The following ZNF718 variants were observed in gnomAD, a reference collection of about 807,000 sequenced individuals.
ZNF718 encodes the protein zinc finger protein 718.
In ZNF718, 3 loss-of-function variants were observed where a neutral mutation model predicts 2.6. The ratio of observed to expected loss-of-function variants is 1.16; its 90% CI spans 0.53 to 3.01. The LOEUF is 3.01. Ranked by LOEUF, ZNF718 falls within the 30% of genes most tolerant of loss-of-function variation. ZNF718 has a pLI of 0.03. For synonymous variants in ZNF718, 135 were observed against 77.9 expected (o/e 1.73, Z -3.86); for missense variants, 468 against 230.0 (o/e 2.03, Z -6.69).
intron 3 of ZNF718, among the ~76,000 whole-genome samples, chr4:198,772 G>A (rs185832862): frequency 1.3e-5 from 2 of 152,302 alleles, no homozygotes; most frequent in Non-Finnish European, 2.9e-5. Context: ...CTCACAGGCT[G>A]GATTTCAGAG....
chr4:176,498 A>G (rs1264570767), intron 3 of ZNF718, among the ~76,000 whole-genome samples: 1 of 152,158 alleles, frequency 6.6e-6, no homozygotes, highest in Non-Finnish European at 1.5e-5. Context: ...GACCCAGCAT[A>G]ATGCAACACA....
intron 3 of ZNF718, among the ~76,000 whole-genome samples, chr4:137,605 A>T (rs200587197): frequency 2.0e-5 from 3 of 152,102 alleles, no homozygotes; most frequent in Admixed American, 6.6e-5. Context: ...AAGATTAAAA[A>T]TTTTTTCAAT....
chr4:164,428 A>G (rs1247907483), downstream of ZNF718, among the ~76,000 whole-genome samples: 2 of 152,182 alleles, frequency 1.3e-5, no homozygotes, highest in South Asian at 2.1e-4. Flanking sequence ...TCTACACTAT[A>G]TTCTTTGTAT....
chr4:175,851 TC>T (rs370253914), intron 3 of ZNF718, among the ~76,000 whole-genome samples: 1 of 129,874 alleles, frequency 7.7e-6, no homozygotes, highest in Non-Finnish European at 1.7e-5. Flanking sequence ...GGATTAACAG[TC>T]TTTTTTTTTT....
intron 3 of ZNF718, among the ~76,000 whole-genome samples, chr4:152,571 G>C (rs1553812813): frequency 6.6e-6 from 1 of 151,374 alleles, no homozygotes. Context: ...GAGAGCACGG[G>C]GTTGGGGGTA....
chr4:157,636 A>C (rs1384583188), intron 3 of ZNF718, among the ~76,000 whole-genome samples: 1 of 152,144 alleles, frequency 6.6e-6, no homozygotes, highest in Non-Finnish European at 1.5e-5. Flanking sequence ...TTTGCTTTCT[A>C]TAATTATGTA....
intron 3 of ZNF718, among the ~76,000 whole-genome samples, chr4:139,440 A>G (rs575369289): frequency 2.4e-4 from 36 of 152,318 alleles, no homozygotes; most frequent in Non-Finnish European, 4.7e-4. Context: ...ACCACTTCAC[A>G]CTTCACCTTT....
intron 3 of ZNF718, among the ~76,000 whole-genome samples, chr4:149,232 A>G (rs1368064449): frequency 1.3e-5 from 2 of 152,216 alleles, no homozygotes; most frequent in East Asian, 3.9e-4. Flanking sequence ...TGTAATAAGT[A>G]CATGTATTGA....
At chr4:170,864 G>T (rs775419737) in intron 3 of ZNF718, among the ~76,000 whole-genome samples, 2 of 152,088 alleles carry the variant, frequency 1.3e-5, no homozygotes, top group South Asian at 2.1e-4. Context: ...GTCATTCTCT[G>T]TCCAGCTTTG....
intron 3 of ZNF718, among the ~76,000 whole-genome samples, chr4:199,825 T>G (rs547070203): frequency 6.6e-6 from 1 of 152,306 alleles, no homozygotes; most frequent in East Asian, 1.9e-4. Context: ...GCCACACCTG[T>G]GCTCACACCA....
intron 3 of ZNF718, among the ~76,000 whole-genome samples, chr4:170,082 T>G (rs979014909): frequency 1.4e-4 from 22 of 152,134 alleles, no homozygotes; most frequent in East Asian, 1.2e-3. Flanking sequence ...GTCTGTAAAG[T>G]ATTTTATTTC....
chr4:168,460 G>A (rs1267044773), downstream of ZNF718, among the ~76,000 whole-genome samples: 7 of 152,112 alleles, frequency 4.6e-5, no homozygotes, highest in East Asian at 1.9e-4. Context: ...GGTAGAGTTC[G>A]GCTGTGAATC....
chr4:140,040 C>T (rs1460386876), intron 3 of ZNF718, among the ~76,000 whole-genome samples: 1 of 151,862 alleles, frequency 6.6e-6, no homozygotes, highest in African/African-American at 2.4e-5. Flanking sequence ...CTTTTCTGCA[C>T]GTGGTCCCCG....
At chr4:150,207 C>G (rs1553812285) in intron 3 of ZNF718, 1 of 151,866 alleles carries the variant, frequency 6.6e-6, no homozygotes, top group Non-Finnish European at 1.5e-5. Flanking sequence ...AAATAATATT[C>G]TATATATATG....
chr4:154,170 G>A (rs782631578), intron 3 of ZNF718, among the ~76,000 whole-genome samples: 3 of 152,138 alleles, frequency 2.0e-5, no homozygotes, highest in Non-Finnish European at 2.9e-5. Context: ...CTTCTGCCAT[G>A]ATTTTGAGGC....
chr4:176,446 A>G (rs1296187906), intron 3 of ZNF718, among the ~76,000 whole-genome samples: 1 of 152,158 alleles, frequency 6.6e-6, no homozygotes, highest in East Asian at 1.9e-4. Flanking sequence ...CTATGCATCT[A>G]TGCTACCATC....
At chr4:195,714 C>T (rs1553821898) in intron 3 of ZNF718, among the ~76,000 whole-genome samples, 1 of 152,048 alleles carries the variant, frequency 6.6e-6, no homozygotes, top group Non-Finnish European at 1.5e-5. Context: ...ATGCATTTGG[C>T]CCATCCACGG....
chr4:201,835 G>C lies in ZNF718; in HGVS notation c.*306G>C, dbSNP rs535100218. ...GCACCAGCAGCACATACCACTGTGA[G>C]GGCAAGTACAAAATACCTGCTTTTA... On this transcript the variant is annotated 3_prime_UTR_variant and NMD_transcript_variant, in exon 5 of 5. Transcript: ENST00000642529. The C allele has an allele frequency of 8.1e-5, 16 of 196,646 alleles. No homozygotes were observed. In the Middle Eastern group the frequency reaches 1.9e-3, roughly 24 times the overall value. 12.2% of individuals were successfully genotyped at this position (196,646 alleles called of 1,614,324 possible).
chr4:155,102 C>CA (rs112622131), intron 3 of ZNF718, among the ~76,000 whole-genome samples: 1,937 of 152,302 alleles, frequency 0.013, 48 homozygotes, highest in African/African-American at 0.044. Context: ...ACACAGAAGT[C>CA]AAAAGCGAGG....
Sources: allele counts gnomAD v4.1 joint callset (sites outside exome capture counted in the v4.1 genomes callset), GRCh38; gene constraint gnomAD v4.1.1; transcripts MANE v1.5; gene names NCBI Gene and HGNC (gene_info 2026-07-23, HGNC 2026-07-21).